The following CAGE1 variants were observed in gnomAD, a reference collection of about 807,000 sequenced individuals.
CAGE1 encodes the protein cancer-associated gene 1 protein.
In CAGE1, 66 loss-of-function variants were observed where a neutral mutation model predicts 94.9. The ratio of observed to expected loss-of-function variants is 0.70; its 90% CI spans 0.57 to 0.85. CAGE1 has a LOEUF of 0.85. Among genes scored for constraint, CAGE1 ranks in the 40% least tolerant of loss-of-function variants. The pLI is 0.00. For synonymous variants in CAGE1, 319 were observed against 321.0 expected (o/e 0.99, Z 0.07); for missense variants, 865 against 950.4 (o/e 0.91, Z 1.18).
At chr6:7,341,151 G>T (rs1415946198) in intron 11 of CAGE1, 2 of 569,722 alleles carry the variant, frequency 3.5e-6, no homozygotes, top group Non-Finnish European at 6.8e-6. Context: ...GGTAGTTATT[G>T]GTGGGCAGGT....
intron 11 of CAGE1, among the ~76,000 whole-genome samples, chr6:7,345,145 C>CTCTT (rs1759399959): frequency 2.4e-5 from 1 of 42,304 alleles, no homozygotes; most frequent in Non-Finnish European, 4.3e-5. Flanking sequence ...CTTTTAGGAG[C>CTCTT]TAGGTCCATA....
chr6:7,344,473 T>C (rs1367392020), intron 11 of CAGE1, among the ~76,000 whole-genome samples: 1 of 152,236 alleles, frequency 6.6e-6, no homozygotes, highest in African/African-American at 2.4e-5. Flanking sequence ...ATTCGGGACC[T>C]ACAGCCCGCC....
At chr6:7,350,762 G>C (rs1759740844) in intron 11 of CAGE1, among the ~76,000 whole-genome samples, 1 of 152,114 alleles carries the variant, frequency 6.6e-6, no homozygotes, top group Non-Finnish European at 1.5e-5. Context: ...AGCAAAGGTG[G>C]CAATAAGAGG....
At chr6:7,372,973 T>C (rs1760593902) in intron 5 of CAGE1, 100 bp downstream of exon 5, 1 of 861,000 alleles carries the variant, frequency 1.2e-6, no homozygotes, top group Admixed American at 3.3e-5. Context: ...TTAATAATTC[T>C]TTCTGCAAAC....
chr6:7,336,481 T>C (rs1037191104), intron 11 of CAGE1, among the ~76,000 whole-genome samples: 18 of 151,474 alleles, frequency 1.2e-4, no homozygotes, highest in Admixed American at 2.0e-4. Flanking sequence ...ATGAGTGCTT[T>C]GATTTGCATT....
chr6:7,354,049 A>C (rs1464054341), intron 11 of CAGE1, among the ~76,000 whole-genome samples: 3 of 152,174 alleles, frequency 2.0e-5, no homozygotes, highest in African/African-American at 7.2e-5. Flanking sequence ...TAAGGAACTT[A>C]TCTAACCAAA....
chr6:7,341,871 C>T, intron 11 of CAGE1: 2 of 682,832 alleles, frequency 2.9e-6, no homozygotes, highest in East Asian at 3.2e-5. Context: ...CTTCTTCTTG[C>T]AGGAACGGGT....
At chr6:7,346,118 G>T (rs982840008) in intron 11 of CAGE1, among the ~76,000 whole-genome samples, 1 of 152,054 alleles carries the variant, frequency 6.6e-6, no homozygotes, top group South Asian at 2.1e-4. Context: ...AAGAAATAAA[G>T]GAATAAAAGA....
intron 11 of CAGE1, among the ~76,000 whole-genome samples, chr6:7,346,548 C>CA (rs1759549191): frequency 6.6e-6 from 1 of 150,588 alleles, no homozygotes; most frequent in Non-Finnish European, 1.5e-5. Flanking sequence ...GACCCTGTCT[C>CA]AAAAAACAAA....
At chr6:7,337,325 GAAA>G (rs58144720) in intron 11 of CAGE1, among the ~76,000 whole-genome samples, 19 of 81,604 alleles carry the variant, frequency 2.3e-4, no homozygotes, top group South Asian at 1.3e-3. Flanking sequence ...AGACTGTCTC[GAAA>G]AAAAAAAAAA....
rs1211224176 is a variant in CAGE1 at position 7,334,088 on chromosome 6, A to C, written c.2372T>G (p.Leu791Trp). ...LAISHSQIAH[L>W]EERNKHLEDL... Reference sequence around the variant, plus strand: ...CTCTAAATGTTTATTTCTCTCTTCCAAACTGAAAGAAGAAACAATTGAATT... The same window carrying C: ...CTCTAAATGTTTATTTCTCTCTTCCCAACTGAAAGAAGAAACAATTGAATT... Residue 791 changes from leucine to tryptophan, a missense_variant and splice_region_variant, in exon 12 of 14, where the codon TTG (leucine) becomes TGG (tryptophan). By Grantham distance (61) the Leu-to-Trp change is moderately conservative. Coordinates refer to ENST00000502583, the MANE Select transcript of CAGE1 (RefSeq NM_001170692.2). 36 of 1,513,836 alleles carry C rather than the reference A, an allele frequency of 2.4e-5. No individual in the cohort carries two copies. Among genetic ancestry groups the C allele is most frequent in the Non-Finnish European group, 3.2e-5 (36 of 1,118,042 alleles). The allele number at this position is 1,513,836 out of a possible 1,614,324, so 93.8% of individuals were successfully genotyped here. A position where few individuals can be genotyped will look rare whatever the true frequency, so the allele number is the denominator to read the frequency against.
Position 7,365,988 on chromosome 6 carries a change from ATAAT to A in CAGE1, c.2005-108_2005-105del. On this transcript the variant is annotated intron_variant, in intron 7 of 13. Transcript: ENST00000502583. The stretch of plus-strand genomic sequence containing the variant: ...GGGCCGGGCGTAGTGGCTCATGCCT[ATAAT>A]CCCAGCACTTTGGGATGCTGAGGCG... 3 of 672,762 alleles carry A rather than the reference ATAAT, an allele frequency of 4.5e-6. No individual in the cohort carries two copies. The South Asian group carries it at 6.2e-5, about 14-fold the overall frequency. The allele number at this position is 672,762 out of a possible 1,614,324, so 41.7% of individuals were successfully genotyped here.
In CAGE1 at chr6:7,336,075, G is replaced by C. The variant is rs1161916043; in HGVS notation, c.2370-1985C>G. Among the ~76,000 whole-genome samples, 4 of 152,132 alleles carry C rather than the reference G, an allele frequency of 2.6e-5. No individual in the cohort carries two copies. In the East Asian group the frequency reaches 7.7e-4, roughly 29 times the overall value. Reference sequence around the variant, plus strand: ...GAGATATCAGGCTTTTGTTTTAAAGGGATAAAGAGAAGTTGTCAAACCCAG... The same window carrying C: ...GAGATATCAGGCTTTTGTTTTAAAGCGATAAAGAGAAGTTGTCAAACCCAG... On this transcript the variant is annotated intron_variant, in intron 11 of 13. Transcript: ENST00000502583.
intron 4 of CAGE1, among the ~76,000 whole-genome samples, chr6:7,377,816 A>T (rs1046243700): frequency 6.6e-6 from 1 of 152,132 alleles, no homozygotes; most frequent in Non-Finnish European, 1.5e-5. Flanking sequence ...TCCCATACCA[A>T]TTCCTAGTAT....
At chr6:7,344,449 T>G (rs1759337389) in intron 11 of CAGE1, among the ~76,000 whole-genome samples, 1 of 152,200 alleles carries the variant, frequency 6.6e-6, no homozygotes, top group Non-Finnish European at 1.5e-5. Flanking sequence ...TTAGCTGCCT[T>G]CCCGCAGGGC....
intron 5 of CAGE1, 128 bp from the exon 6 acceptor site, chr6:7,370,193 G>T (rs910761194): frequency 7.5e-6 from 4 of 532,414 alleles, no homozygotes; most frequent in South Asian, 4.3e-5. Context: ...TTTCATCTTA[G>T]GATCCCTTTA....
At chr6:7,372,980 A>C (rs1760594054) in intron 5 of CAGE1, 93 bp downstream of exon 5, 1 of 899,568 alleles carries the variant, frequency 1.1e-6, no homozygotes, top group Non-Finnish European at 1.6e-6. Context: ...TTCTTTCTGC[A>C]AACAAATATA....
chr6:7,346,053 T>C (rs947381158), intron 11 of CAGE1, among the ~76,000 whole-genome samples: 3 of 152,184 alleles, frequency 2.0e-5, no homozygotes, highest in African/African-American at 7.2e-5. Flanking sequence ...GATGTGTGTA[T>C]TTGATAATTT....
chr6:7,329,724 A>G, intron 13 of CAGE1, 125 bp downstream of exon 13: 1 of 572,924 alleles, frequency 1.7e-6, no homozygotes, highest in Non-Finnish European at 3.2e-6. Context: ...TCATCTGAAG[A>G]CAGAGGGGAA....
Sources: gnomAD v4.1 joint callset for allele counts (sites outside exome capture counted in the v4.1 genomes callset) on GRCh38, gnomAD v4.1.1 for gene constraint, MANE v1.5 for transcripts, NCBI Gene and HGNC (gene_info 2026-07-23, HGNC 2026-07-21) for gene names.